The following IFFO1 variants were observed in gnomAD, a reference collection of about 807,000 sequenced individuals.
IFFO1 encodes intermediate filament family orphan 1.
In IFFO1, 42 loss-of-function variants were observed where a neutral mutation model predicts 59.6. The observed-to-expected ratio is 0.70, with a 90% CI of 0.55 to 0.91. IFFO1 has a LOEUF of 0.91. IFFO1 is among the 40% of genes least tolerant of loss of function. The probability of loss-of-function intolerance (pLI) is 0.00; values close to 1 mark genes in which losing one functional copy is unlikely to be tolerated. For synonymous variants in IFFO1, 336 were observed against 342.8 expected (o/e 0.98, Z 0.22); for missense variants, 711 against 793.2 (o/e 0.90, Z 1.24).
rs778033792 is a variant in IFFO1 at position 6,548,102 on chromosome 12, C to T, written c.1442G>A (p.Arg481Gln). Residue 481 changes from arginine to glutamine, a missense_variant, in exon 8 of 10, where the codon CGG (arginine) becomes CAG (glutamine). Physicochemically the swap from Arg to Gln is conservative, Grantham distance 43. Around this residue, in one of 3 missense-constraint regions of IFFO1, gnomAD observed 579 missense variants for 650.3 expected, o/e 0.89. Coordinates refer to ENST00000619571, the MANE Select transcript of IFFO1 (RefSeq NM_001193457.2). This position sits in a 1 kb window ranked among gnomAD's most constrained non-coding sequence, Gnocchi z 6.1. ...AATGGTCTCCTGATACTCCTTCTCCCGGGTTTTGAACAGGGACTCCGTATC... is the reference window on the plus strand; with the variant it reads ...AATGGTCTCCTGATACTCCTTCTCCTGGGTTTTGAACAGGGACTCCGTATC... Reference protein sequence around the residue: ...IKDTESLFKTREKEYQETIDQ... With the variant: ...IKDTESLFKTQEKEYQETIDQ... The T allele has an allele frequency of 2.6e-5, 42 of 1,613,884 alleles. No homozygotes were observed. Among genetic ancestry groups the T allele is most frequent in the Admixed American group, 5.0e-5 (3 of 59,984 alleles).
chr12:6,550,599 G>A (rs1469705388), intron 3 of IFFO1, 96 bp downstream of exon 3: 15 of 850,496 alleles, frequency 1.8e-5, no homozygotes, highest in Middle Eastern at 2.2e-4. Context: ...GGGAGGAGCC[G>A]TGGACGGGAG....
rs771013909 is a variant in IFFO1, at chr12:6,541,647, G to A, written c.1480-5C>T. ...CTTGGCCGTGGCCAACTCCAGCTGT[G>A]GTGGGGCAGGCAGGGCCATCGGGGT... On this transcript the variant is annotated splice_polypyrimidine_tract_variant and splice_region_variant and intron_variant, in intron 8 of 9. Coordinates refer to ENST00000619571, the MANE Select transcript of IFFO1 (RefSeq NM_001193457.2). This position sits in a 1 kb window ranked among gnomAD's most constrained non-coding sequence, Gnocchi z 4.8. 2 of 1,613,888 alleles carry A rather than the reference G, an allele frequency of 1.2e-6. No homozygotes were observed. Among genetic ancestry groups the A allele is most frequent in the Non-Finnish European group, 1.7e-6 (2 of 1,180,026 alleles).
chr12:6,540,147 C>A lies in IFFO1; in HGVS notation c.*336G>T. 1.5e-5 allele frequency: 6 copies of A among 408,886 alleles called. No individual in the cohort carries two copies. The highest frequency in any genetic ancestry group is 5.0e-5 in the South Asian group (2 of 39,966). 25.3% of individuals were successfully genotyped at this position (408,886 alleles called of 1,614,324 possible). A position where few individuals can be genotyped will look rare whatever the true frequency, so the allele number is the denominator to read the frequency against. ...CAACAGGGATGGAGGAAAGGTCCCACATTCACATTCCTGATACGTGGACAA... is the reference window on the plus strand; with the variant it reads ...CAACAGGGATGGAGGAAAGGTCCCAAATTCACATTCCTGATACGTGGACAA... On this transcript the variant is annotated 3_prime_UTR_variant, in exon 10 of 10. Transcript: ENST00000619571.
chr12:6,546,296 G>A (rs545014061), intron 8 of IFFO1, among the ~76,000 whole-genome samples: 2 of 152,326 alleles, frequency 1.3e-5, no homozygotes, highest in African/African-American at 4.8e-5. Context: ...GATAAGGGGG[G>A]ACTACGTATG....
Position 6,540,293 on chromosome 12 carries a change from CT to C in IFFO1, c.*189del. The C allele has an allele frequency of 1.7e-6, 1 of 604,824 alleles. No homozygotes were observed. 37.5% of individuals were successfully genotyped at this position (604,824 alleles called of 1,614,324 possible). A position where few individuals can be genotyped will look rare whatever the true frequency, so the allele number is the denominator to read the frequency against. ...TGGCCCCAGAATGGTAGGGCCAAGCCTAGCTCCAGACACCCCAGAGCCCTGG... is the reference window on the plus strand; with the variant it reads ...TGGCCCCAGAATGGTAGGGCCAAGCCAGCTCCAGACACCCCAGAGCCCTGG... On this transcript the variant is annotated 3_prime_UTR_variant, in exon 10 of 10. Transcript: ENST00000619571.
In IFFO1 at chr12:6,549,625, C is replaced by A. The variant is rs1947144749; in HGVS notation, c.1071+131G>T. 1 of 1,393,132 alleles carries A rather than the reference C, an allele frequency of 7.2e-7. No homozygotes were observed. Among genetic ancestry groups the A allele is most frequent in the Admixed American group, 1.9e-5 (1 of 53,230 alleles). 86.3% of individuals were successfully genotyped at this position (1,393,132 alleles called of 1,614,324 possible). A position where few individuals can be genotyped will look rare whatever the true frequency, so the allele number is the denominator to read the frequency against. ...TGCTGCTCCTTACCCCCCAGTCTAG[C>A]CCCGTGAGGGCCCCAGTTGCCAGGT... On this transcript the variant is annotated intron_variant, in intron 4 of 9. Transcript: ENST00000619571. This position sits in a 1 kb window ranked among gnomAD's most constrained non-coding sequence, Gnocchi z 5.0.
At position 6,549,498 on chromosome 12, in the gene IFFO1, AAG is replaced by A. The variant is rs755610047; in HGVS notation, c.1072-16_1072-15del. 2 of 1,607,664 alleles carry A rather than the reference AAG, an allele frequency of 1.2e-6. No homozygotes were observed. Among genetic ancestry groups the A allele is most frequent in the Admixed American group, 3.3e-5 (2 of 60,008 alleles). On this transcript the variant is annotated splice_polypyrimidine_tract_variant and intron_variant, in intron 4 of 9. Transcript: ENST00000619571. This position sits in a 1 kb window ranked among gnomAD's most constrained non-coding sequence, Gnocchi z 5.0. The stretch of plus-strand genomic sequence containing the variant: ...AACCAGCTTCTTCTGTGGAGGAAGC[AAG>A]AGAGAAGATGAGAGGAAGAGAGGAG...
Position 6,555,835 on chromosome 12 carries a change from G to A in IFFO1, c.195C>T (p.Ala65=), listed in dbSNP as rs547622756. The A allele has an allele frequency of 1.2e-6, 2 of 1,611,180 alleles. No individual in the cohort carries two copies. Among genetic ancestry groups the A allele is most frequent in the African/African-American group, 1.3e-5 (1 of 74,474 alleles). The stretch of plus-strand genomic sequence containing the variant: ...TGTTGGAGCCCAGGTCATTGCGGAG[G>A]GCCATGGCGGCAGGCGGGGCCGGGC... ...GPGPAPPAAM[A]LRNDLGSNIN... Residue 65 remains alanine (A), a synonymous_variant, in exon 1 of 10, where the codon GCC becomes GCT. Transcript: ENST00000619571. The surrounding 1 kb of genome is among the most constrained non-coding windows in gnomAD (Gnocchi z 8.6).
At chr12:6,542,462 G>A (rs561212331) in intron 8 of IFFO1, among the ~76,000 whole-genome samples, 6 of 152,344 alleles carry the variant, frequency 3.9e-5, no homozygotes, top group South Asian at 2.1e-4. Flanking sequence ...GGCAGGGGCC[G>A]CAAGGGGAAG....
chr12:6,553,006 T>C (rs899162592), intron 1 of IFFO1, among the ~76,000 whole-genome samples: 1 of 151,976 alleles, frequency 6.6e-6, no homozygotes, highest in Non-Finnish European at 1.5e-5. Flanking sequence ...GTTGGGAAAA[T>C]GGGGGCTCAA....
rs1047175076 is a variant in IFFO1 at position 6,543,969 on chromosome 12, A to AAAT, written c.1480-2330_1480-2328dup. On this transcript the variant is annotated intron_variant, in intron 8 of 9. Coordinates refer to ENST00000619571, the MANE Select transcript of IFFO1 (RefSeq NM_001193457.2). ...AACAAGAGCAAAACTCTGTCTCTAA[A>AAAT]AATAATAATAATAATTTTTAAAAAT... 8.9e-4 allele frequency: 135 copies of AAAT among 152,118 alleles called. 1 individual carries two copies. Among genetic ancestry groups the AAAT allele is most frequent in the African/African-American group, 3.1e-3 (128 of 41,506 alleles). 9.4% of individuals were successfully genotyped at this position (152,118 alleles called of 1,614,324 possible). A position where few individuals can be genotyped will look rare whatever the true frequency, so the allele number is the denominator to read the frequency against.
chr12:6,553,204 C>T (rs12227191), intron 1 of IFFO1, among the ~76,000 whole-genome samples: 4,224 of 152,250 alleles, frequency 0.028, 182 homozygotes, highest in African/African-American at 0.09. Context: ...CAGTATCACG[C>T]ACCATCCGAA....
chr12:6,540,609 T>G, intron 9 of IFFO1, 21 bp from the exon 10 acceptor site: 2 of 1,600,480 alleles, frequency 1.2e-6, no homozygotes, highest in Non-Finnish European at 8.6e-7. Context: ...ACACCAGTTG[T>G]CAACCTTGGG....
chr12:6,546,371 C>G (rs935334804), intron 8 of IFFO1, among the ~76,000 whole-genome samples: 1 of 152,232 alleles, frequency 6.6e-6, no homozygotes, highest in Non-Finnish European at 1.5e-5. Flanking sequence ...CTCCCAAAGT[C>G]AGAGCGTCGG....
chr12:6,548,879 G>A lies in IFFO1; in HGVS notation c.1081-30C>T, dbSNP rs1255584565. The A allele has an allele frequency of 1.9e-6, 3 of 1,576,262 alleles. No individual in the cohort carries two copies. The Admixed American group carries it at 5.4e-5, about 28-fold the overall frequency. ...AGAGACGAGGCCGGGTGCATGAGGA[G>A]AAAGGGCGGGAGCGGGAGGCCGGGC... is the stretch of plus-strand genomic sequence containing the variant. On this transcript the variant is annotated intron_variant, in intron 5 of 9. Transcript: ENST00000619571. This position sits in a 1 kb window ranked among gnomAD's most constrained non-coding sequence, Gnocchi z 6.1.
intron 1 of IFFO1, 68 bp from the exon 2 acceptor site, chr12:6,551,069 TC>T: frequency 1.3e-6 from 2 of 1,487,554 alleles, no homozygotes; most frequent in Non-Finnish European, 1.9e-6. Flanking sequence ...TGGCTCCCTG[TC>T]CCCACCTCTC....
At chr12:6,553,558 C>CTG in intron 1 of IFFO1, among the ~76,000 whole-genome samples, 1 of 151,964 alleles carries the variant, frequency 6.6e-6, no homozygotes, top group Non-Finnish European at 1.5e-5. Flanking sequence ...CTCAGAAAGC[C>CTG]TGCTGATCAG....
Position 6,550,922 on chromosome 12 carries a change from A to C in IFFO1, c.834+19T>G. On this transcript the variant is annotated intron_variant, in intron 2 of 9. Transcript: ENST00000619571. The stretch of plus-strand genomic sequence containing the variant: ...GGTACCCAGGGAAGCACCAGCAGCA[A>C]GTGGGGCGCCACCCTCACCTCCTGG... 6.2e-7 allele frequency: 1 copy of C among 1,613,812 alleles called. No individual in the cohort carries two copies. Among genetic ancestry groups the C allele is most frequent in the South Asian group, 1.1e-5 (1 of 91,076 alleles).
intron 8 of IFFO1, among the ~76,000 whole-genome samples, chr12:6,547,540 ACAC>A (rs1947018792): frequency 6.6e-6 from 1 of 152,018 alleles, no homozygotes; most frequent in Non-Finnish European, 1.5e-5. Flanking sequence ...ACACAGGGAG[ACAC>A]CATCTCTACA....
Sources: gnomAD v4.1 joint callset for allele counts (sites outside exome capture counted in the v4.1 genomes callset) on GRCh38, gnomAD v4.1.1 for gene constraint, gnomAD v4.1.1 regional missense constraint, Gnocchi (gnomAD v3.1) non-coding constraint, MANE v1.5 for transcripts, NCBI Gene and HGNC (gene_info 2026-07-23, HGNC 2026-07-21) for gene names.